Variants in CAPN14 observed in about 807,000 individuals in gnomAD.
The protein encoded by CAPN14 is calpain 14.
In CAPN14, 94 loss-of-function variants were observed where a neutral mutation model predicts 101.3. The observed-to-expected ratio is 0.93, with a 90% CI of 0.79 to 1.10. The LOEUF is 1.10. Ranked by LOEUF, CAPN14 falls within the 50% of genes least tolerant of loss-of-function variation. The probability of loss-of-function intolerance (pLI) is 0.00; values close to 1 mark genes in which losing one functional copy is unlikely to be tolerated. For synonymous variants in CAPN14, 338 were observed against 317.9 expected (o/e 1.06, Z -0.67); for missense variants, 837 against 828.4 (o/e 1.01, Z -0.13).
intron 1 of CAPN14, among the ~76,000 whole-genome samples, chr2:31,232,239 C>CT (rs1683217483): frequency 6.6e-6 from 1 of 152,208 alleles, no homozygotes; most frequent in Non-Finnish European, 1.5e-5. Context: ...CTCCAATGAT[C>CT]TTATCCCCTA....
At chr2:31,204,661 G>A (rs963235812) in intron 2 of CAPN14, among the ~76,000 whole-genome samples, 7 of 152,170 alleles carry the variant, frequency 4.6e-5, no homozygotes, top group Non-Finnish European at 8.8e-5. Context: ...GAGGTCCCTG[G>A]AGGGTGCCAC....
intron 14 of CAPN14, 66 bp from the exon 15 acceptor site, chr2:31,187,880 C>A: frequency 8.0e-7 from 1 of 1,250,536 alleles, no homozygotes; most frequent in Non-Finnish European, 1.1e-6. Flanking sequence ...CGTGCACACC[C>A]TAATGTCTCA....
intron 2 of CAPN14, among the ~76,000 whole-genome samples, chr2:31,223,685 C>T (rs1440059963): frequency 3.3e-5 from 5 of 151,832 alleles, no homozygotes; most frequent in South Asian, 2.1e-4. Flanking sequence ...CCCACCACGA[C>T]GCGTGGCTAA....
At chr2:31,231,890 C>T (rs538113946) in intron 1 of CAPN14, among the ~76,000 whole-genome samples, 1 of 152,264 alleles carries the variant, frequency 6.6e-6, no homozygotes, top group South Asian at 2.1e-4. Context: ...ATTCTCATGC[C>T]TTGTGAGTTG....
At chr2:31,185,410 C>T (rs1395314510) in intron 16 of CAPN14, among the ~76,000 whole-genome samples, 1 of 152,202 alleles carries the variant, frequency 6.6e-6, no homozygotes, top group Non-Finnish European at 1.5e-5. Context: ...CCAAAATCTA[C>T]AGTATTTCTC....
At chr2:31,187,704 G>A in intron 15 of CAPN14, 54 bp downstream of exon 15, 3 of 1,434,182 alleles carry the variant, frequency 2.1e-6, no homozygotes, top group Non-Finnish European at 2.9e-6. Context: ...AAAATGAGAA[G>A]CTCCACTTCG....
At chr2:31,192,129 G>A (rs1278305968) in intron 10 of CAPN14, 31 bp from the exon 11 acceptor site, 1 of 1,513,362 alleles carries the variant, frequency 6.6e-7, no homozygotes, top group Admixed American at 2.1e-5. Flanking sequence ...GTGAGAATGG[G>A]CCCCGGATCC....
chr2:31,220,782 T>C (rs564055546), upstream of CAPN14, among the ~76,000 whole-genome samples: 4 of 152,246 alleles, frequency 2.6e-5, no homozygotes, highest in South Asian at 8.3e-4. Flanking sequence ...TGAGCCAAGA[T>C]CACGCCACTA....
intron 1 of CAPN14, among the ~76,000 whole-genome samples, chr2:31,206,950 T>G (rs1268662630): frequency 6.6e-6 from 1 of 152,036 alleles, no homozygotes; most frequent in East Asian, 1.9e-4. Context: ...CTCTTACAGT[T>G]TAGAGGGTGG....
intron 2 of CAPN14, 140 bp from the exon 3 acceptor site, chr2:31,203,279 A>G (rs1454489486): frequency 1.6e-5 from 10 of 636,172 alleles, no homozygotes; most frequent in Non-Finnish European, 2.5e-5. Flanking sequence ...GTGCTATCCC[A>G]GAAGATCTGG....
At chr2:31,228,818 G>A (rs1683102486) in intron 1 of CAPN14, among the ~76,000 whole-genome samples, 1 of 152,162 alleles carries the variant, frequency 6.6e-6, no homozygotes, top group Admixed American at 6.5e-5. Context: ...AGGCTTGAGA[G>A]TGAAGCCACT....
chr2:31,177,048 C>A lies in CAPN14; in HGVS notation c.1950G>T (p.Met650Ile). Residue 650 changes from methionine (M) to isoleucine (I), a missense_variant, in exon 20 of 22, where the codon ATG becomes ATT. Met to Ile is a conservative substitution (Grantham distance 10, BLOSUM62 1). Transcript: ENST00000403897. ...TACCCTCCATGTTCTCTACACGCAG[C>A]ATCAAGTGGATGAAACTGACAAAGT... ...QMDFVSFIHLMLRVENMEDVF... is the reference protein window; with the variant it reads ...QMDFVSFIHLILRVENMEDVF... 1 of 1,551,392 alleles carries A rather than the reference C, an allele frequency of 6.4e-7. No individual in the cohort carries two copies. The highest frequency in any genetic ancestry group is 8.7e-7 in the Non-Finnish European group (1 of 1,146,768).
upstream of CAPN14, among the ~76,000 whole-genome samples, chr2:31,219,070 T>TG (rs904296278): frequency 1.3e-5 from 2 of 151,834 alleles, no homozygotes; most frequent in African/African-American, 2.4e-5. Context: ...GGACTCCAGG[T>TG]GGGGGGCTTC....
chr2:31,209,267 G>A (rs550832827), intron 1 of CAPN14, among the ~76,000 whole-genome samples: 6 of 151,228 alleles, frequency 4.0e-5, no homozygotes, highest in South Asian at 2.1e-4. Context: ...ATGAACCACC[G>A]TGCCTGTCCA....
rs149371211 is a variant in CAPN14, at chr2:31,191,538, C to T, written c.1279-131G>A. Reference sequence around the variant, plus strand: ...GATATACAAGGCTCTACCCAGAAGCCGTGTCCCCTCCCACAAGACCTGCTG... The same window carrying T: ...GATATACAAGGCTCTACCCAGAAGCTGTGTCCCCTCCCACAAGACCTGCTG... On this transcript the variant is annotated intron_variant, in intron 11 of 21. Transcript: ENST00000403897. 2.8e-3 allele frequency: 2,333 copies of T among 821,662 alleles called. 36 individuals carry two copies. The African/African-American group carries it at 0.033, about 12-fold the overall frequency. The allele number at this position is 821,662 out of a possible 1,614,324, so 50.9% of individuals were successfully genotyped here. A position where few individuals can be genotyped will look rare whatever the true frequency, so the allele number is the denominator to read the frequency against.
chr2:31,178,022 T>C (rs1296108370), intron 18 of CAPN14, among the ~76,000 whole-genome samples: 1 of 152,186 alleles, frequency 6.6e-6, no homozygotes, highest in Admixed American at 6.5e-5. Flanking sequence ...GAACAAGGCT[T>C]CTGAGAAACA....
chr2:31,185,293 G>A (rs1404133393), intron 16 of CAPN14, among the ~76,000 whole-genome samples: 2 of 152,090 alleles, frequency 1.3e-5, no homozygotes, highest in African/African-American at 4.8e-5. Context: ...TTTTATATTT[G>A]TATAACTCTT....
chr2:31,203,566 T>C (rs1681908488), intron 2 of CAPN14, among the ~76,000 whole-genome samples: 1 of 152,104 alleles, frequency 6.6e-6, no homozygotes, highest in Admixed American at 6.6e-5. Flanking sequence ...CAGCCTGTGA[T>C]GGGGTGGTAG....
In CAPN14 at chr2:31,206,574, A is replaced by C. The variant is rs1250592111; in HGVS notation, c.-52-1075T>G. ...CCAGCCTACATTCTCTTTACAAAGA[A>C]ATCCTTCCTTGAAGACTTTCTTGCT... On this transcript the variant is annotated intron_variant, in intron 1 of 21. Transcript: ENST00000403897. Among the ~76,000 whole-genome samples, 5 of 152,302 alleles carry C rather than the reference A, an allele frequency of 3.3e-5. No homozygotes were observed. In the East Asian group the frequency reaches 7.7e-4, roughly 24 times the overall value.
Sources: allele counts gnomAD v4.1 joint callset (sites outside exome capture counted in the v4.1 genomes callset), GRCh38; gene constraint gnomAD v4.1.1; transcripts MANE v1.5; gene names NCBI Gene and HGNC (gene_info 2026-07-23, HGNC 2026-07-21).